Variants in ENPEP observed in about 807,000 individuals in gnomAD.
ENPEP encodes AP-A.
In ENPEP, 103 loss-of-function variants were observed where a neutral mutation model predicts 114.5. The ratio of observed to expected loss-of-function variants is 0.90; its 90% CI spans 0.77 to 1.06. ENPEP has a LOEUF of 1.06. ENPEP is among the 50% of genes least tolerant of loss of function. The pLI, the probability that ENPEP is intolerant of heterozygous loss-of-function variation, is 0.00. For missense variants in ENPEP, 1,196 were observed against 1,161.3 expected (o/e 1.03, Z -0.43); for synonymous variants, 420 against 422.0 (o/e 1.00, Z 0.06).
intron 2 of ENPEP, among the ~76,000 whole-genome samples, chr4:110,489,961 T>A (rs563044909): frequency 6.6e-6 from 1 of 152,152 alleles, no homozygotes; most frequent in Non-Finnish European, 1.5e-5. Context: ...TTAGCAGCCA[T>A]CCATGCCTCA....
Position 110,546,483 on chromosome 4 carries a change from A to G in ENPEP, c.2001-1693A>G, listed in dbSNP as rs141957895. Among the ~76,000 whole-genome samples, 545 of 152,094 alleles carry G rather than the reference A, an allele frequency of 3.6e-3. 4 individuals are homozygous for G. The highest frequency in any genetic ancestry group is 0.012 in the African/African-American group (518 of 41,520). Reference sequence around the variant, plus strand: ...GCTGACAAGGCTGCGTGGGGGCAGGAGTCACTAGGTAAGGGACGAATGGCA... The same window carrying G: ...GCTGACAAGGCTGCGTGGGGGCAGGGGTCACTAGGTAAGGGACGAATGGCA... On this transcript the variant is annotated intron_variant, in intron 13 of 19. Transcript: ENST00000265162.
chr4:110,512,444 A>G (rs957885542), intron 6 of ENPEP: 1 of 152,168 alleles, frequency 6.6e-6, no homozygotes, highest in East Asian at 1.9e-4. Flanking sequence ...AAAAATCAAA[A>G]TGCAAGTCAA....
intron 18 of ENPEP, among the ~76,000 whole-genome samples, chr4:110,558,923 G>A (rs78283506): frequency 0.036 from 5,456 of 152,274 alleles, 334 homozygotes; most frequent in African/African-American, 0.13. Context: ...AACTAATAAA[G>A]CTTTTTGAAA....
intron 1 of ENPEP, among the ~76,000 whole-genome samples, chr4:110,485,887 G>A (rs1398050850): frequency 1.3e-5 from 2 of 151,850 alleles, no homozygotes; most frequent in Non-Finnish European, 2.9e-5. Flanking sequence ...AATCACATTA[G>A]AGACACATTG....
intron 8 of ENPEP, 79 bp from the exon 9 acceptor site, chr4:110,519,929 C>T: frequency 7.7e-7 from 1 of 1,290,720 alleles, no homozygotes; most frequent in Non-Finnish European, 1.1e-6. Context: ...AATTGAGTAG[C>T]AGGGGTTCAG....
intron 1 of ENPEP, among the ~76,000 whole-genome samples, chr4:110,478,437 G>A (rs1377627242): frequency 2.8e-5 from 1 of 35,772 alleles, no homozygotes; most frequent in Non-Finnish European, 6.3e-5. Context: ...AAAATAATCT[G>A]TAAAATAATT....
At position 110,486,098 on chromosome 4, in the gene ENPEP, T is replaced by G. The variant is rs376601626; in HGVS notation, c.645-2443T>G. ...CACTGATGATTTTTTAAAATAATTT[T>G]TTCCTTCAAATATTATTAGTAGGCA... On this transcript the variant is annotated intron_variant, in intron 1 of 19. Coordinates refer to ENST00000265162, the MANE Select transcript of ENPEP (RefSeq NM_001977.4). Among the ~76,000 whole-genome samples, 7 of 152,326 alleles carry G rather than the reference T, an allele frequency of 4.6e-5. No individual in the cohort carries two copies. The East Asian group carries it at 7.7e-4, about 17-fold the overall frequency.
At chr4:110,503,965 C>G (rs978488324) in intron 3 of ENPEP, among the ~76,000 whole-genome samples, 40 of 152,162 alleles carry the variant, frequency 2.6e-4, no homozygotes, top group African/African-American at 9.4e-4. Flanking sequence ...TGCAGCTGTG[C>G]TCTCTCTCAG....
intron 10 of ENPEP, 88 bp from the exon 11 acceptor site, chr4:110,531,110 C>G: frequency 1.3e-6 from 1 of 783,010 alleles, no homozygotes; most frequent in Non-Finnish European, 1.8e-6. Context: ...GAAAAATATA[C>G]TTGTCTATTG....
intron 9 of ENPEP, 44 bp downstream of exon 9, chr4:110,520,117 A>G (rs1187185026): frequency 1.2e-6 from 2 of 1,601,614 alleles, no homozygotes; most frequent in South Asian, 1.1e-5. Context: ...TGTCTGATTT[A>G]CAAATGGCTT....
At chr4:110,477,104 C>T in intron 1 of ENPEP, 46 bp downstream of exon 1, 1 of 1,556,914 alleles carries the variant, frequency 6.4e-7, no homozygotes, top group East Asian at 2.3e-5. Flanking sequence ...CACATATCTG[C>T]TTTCCATTTC....
At chr4:110,538,521 A>G (rs1433301391) in intron 11 of ENPEP, among the ~76,000 whole-genome samples, 4 of 152,186 alleles carry the variant, frequency 2.6e-5, no homozygotes, top group Non-Finnish European at 5.9e-5. Flanking sequence ...TAGTTTGGCC[A>G]TCTATCCGGA....
At chr4:110,525,923 G>T (rs990484233) in intron 10 of ENPEP, among the ~76,000 whole-genome samples, 1 of 152,100 alleles carries the variant, frequency 6.6e-6, no homozygotes, top group Non-Finnish European at 1.5e-5. Flanking sequence ...TCTTTTCCAG[G>T]GATGTGATAT....
chr4:110,530,501 C>CA (rs1050139776), intron 10 of ENPEP, among the ~76,000 whole-genome samples: 1 of 151,346 alleles, frequency 6.6e-6, no homozygotes, highest in Non-Finnish European at 1.5e-5. Context: ...AAGAACAAAC[C>CA]AAAAAAAATG....
At chr4:110,557,442 G>T (rs1339062521) in intron 18 of ENPEP, among the ~76,000 whole-genome samples, 6 of 152,186 alleles carry the variant, frequency 3.9e-5, no homozygotes, top group African/African-American at 1.2e-4. Flanking sequence ...CATTAAATGC[G>T]AGGGACTAAC....
intron 13 of ENPEP, 117 bp downstream of exon 13, chr4:110,543,187 A>G: frequency 1.1e-6 from 1 of 946,136 alleles, no homozygotes; most frequent in Non-Finnish European, 1.6e-6. Flanking sequence ...ATCCAAAGCC[A>G]CTATTTAAAA....
At chr4:110,526,583 C>T (rs1395054940) in intron 10 of ENPEP, among the ~76,000 whole-genome samples, 2 of 152,086 alleles carry the variant, frequency 1.3e-5, no homozygotes, top group Non-Finnish European at 2.9e-5. Context: ...AAGAGGAAGG[C>T]AGGAACCAGG....
chr4:110,476,402 T>C lies in ENPEP; in HGVS notation c.-13T>C. On this transcript the variant is annotated 5_prime_UTR_variant, in exon 1 of 20. Transcript: ENST00000265162. ...CATCTTTTTATGTGTAACACTTGAC[T>C]TTGGAAGCAAAAATGAACTTTGCGG... 6.6e-7 allele frequency: 1 copy of C among 1,511,214 alleles called. No homozygotes were observed. The highest frequency in any genetic ancestry group is 8.9e-7 in the Non-Finnish European group (1 of 1,128,776). 93.6% of individuals were successfully genotyped at this position (1,511,214 alleles called of 1,614,324 possible).
chr4:110,548,546 CTT>C (rs1727166603), intron 14 of ENPEP, among the ~76,000 whole-genome samples: 4 of 151,938 alleles, frequency 2.6e-5, no homozygotes, highest in Admixed American at 2.6e-4. Context: ...ATACATACCA[CTT>C]AGGTGCATTT....
Sources: gnomAD v4.1 joint callset for allele counts (sites outside exome capture counted in the v4.1 genomes callset) on GRCh38, gnomAD v4.1.1 for gene constraint, MANE v1.5 for transcripts, NCBI Gene and HGNC (gene_info 2026-07-23, HGNC 2026-07-21) for gene names.